The following NKAIN2 variants were observed in gnomAD, a reference collection of about 807,000 sequenced individuals.
The protein encoded by NKAIN2 is sodium/potassium transporting ATPase interacting 2, also known as sodium/potassium-transporting ATPase subunit beta-1-interacting protein 2.
A neutral mutation model predicts 32.6 loss-of-function variants in NKAIN2; 14 were observed. The ratio of observed to expected loss-of-function variants is 0.43; its 90% CI spans 0.28 to 0.67. NKAIN2 has a LOEUF of 0.67. Among genes scored for constraint, NKAIN2 ranks in the 30% least tolerant of loss-of-function variants. The probability of loss-of-function intolerance (pLI) is 0.17; values close to 1 mark genes in which losing one functional copy is unlikely to be tolerated. For synonymous variants in NKAIN2, 80 were observed against 87.2 expected, an observed-to-expected ratio of 0.92 and a Z score of 0.46; for missense variants, 198 against 258.3, an observed-to-expected ratio of 0.77 and a Z score of 1.60.
chr6:123,949,618 T>G (rs1201198242), intron 1 of NKAIN2, among the ~76,000 whole-genome samples: 1 of 152,042 alleles, frequency 6.6e-6, no homozygotes, highest in Non-Finnish European at 1.5e-5. Flanking sequence ...TATTGATGTA[T>G]AAAAATGCTA....
chr6:124,677,873 T>A (rs1249623379), intron 4 of NKAIN2, among the ~76,000 whole-genome samples: 3 of 152,128 alleles, frequency 2.0e-5, no homozygotes, highest in Non-Finnish European at 2.9e-5. Context: ...AAGGACTTCC[T>A]TTAACCTTTC....
At chr6:123,894,945 A>G (rs930499476) in intron 1 of NKAIN2, among the ~76,000 whole-genome samples, 5 of 152,122 alleles carry the variant, frequency 3.3e-5, no homozygotes, top group African/African-American at 1.2e-4. Context: ...CCTCGGGAAA[A>G]AGATGTATTT....
intron 1 of NKAIN2, among the ~76,000 whole-genome samples, chr6:124,018,316 G>C (rs1582937584): frequency 6.6e-6 from 1 of 152,218 alleles, no homozygotes; most frequent in East Asian, 1.9e-4. Context: ...GATAGGAGAG[G>C]CTGCCACAGA....
intron 1 of NKAIN2, among the ~76,000 whole-genome samples, chr6:124,092,192 T>G (rs73563117): frequency 0.017 from 2,655 of 152,180 alleles, 63 homozygotes; most frequent in African/African-American, 0.058. Flanking sequence ...TGTCAATCAA[T>G]GCCTGAGAAA....
chr6:124,416,535 A>G (rs1166861981), intron 3 of NKAIN2, among the ~76,000 whole-genome samples: 5 of 152,160 alleles, frequency 3.3e-5, no homozygotes, highest in Non-Finnish European at 1.5e-5. Context: ...GCTGCTTGGT[A>G]GGCTGTGGCC....
At chr6:124,531,013 A>G (rs1009438811) in intron 3 of NKAIN2, among the ~76,000 whole-genome samples, 4 of 152,194 alleles carry the variant, frequency 2.6e-5, no homozygotes, top group Admixed American at 2.6e-4. Flanking sequence ...AAATACCCCC[A>G]TAGACATATC....
At chr6:124,359,529 A>C (rs1316582787) in intron 3 of NKAIN2, among the ~76,000 whole-genome samples, 2 of 152,000 alleles carry the variant, frequency 1.3e-5, no homozygotes, top group Non-Finnish European at 2.9e-5. Context: ...ATTCTCTTTG[A>C]AGCAATTGTG....
intron 4 of NKAIN2, among the ~76,000 whole-genome samples, chr6:124,680,218 T>C (rs1773550524): frequency 6.6e-6 from 1 of 152,126 alleles, no homozygotes; most frequent in African/African-American, 2.4e-5. Flanking sequence ...TCAATAATAA[T>C]GTTTAAAATT....
intron 3 of NKAIN2, among the ~76,000 whole-genome samples, chr6:124,647,298 G>A (rs576616790): frequency 3.3e-5 from 5 of 151,862 alleles, no homozygotes; most frequent in African/African-American, 1.2e-4. Context: ...TGTAATCCTA[G>A]CACTTTGGAA....
At chr6:123,948,597 ATTTTTTTTTTTTTTTT>A (rs71021472) in intron 1 of NKAIN2, among the ~76,000 whole-genome samples, 26 of 49,318 alleles carry the variant, frequency 5.3e-4, no homozygotes, top group Admixed American at 1.2e-3. Flanking sequence ...CTTAAATGGG[ATTTTTTTTTTTTTTTT>A]TTTTTTTTTT....
rs115549431 is a variant in NKAIN2, at chr6:124,330,213, T to G, written c.193-25054T>G. On this transcript the variant is annotated intron_variant, in intron 2 of 6. Transcript: ENST00000368417. Reference sequence around the variant, plus strand: ...TCTATTTCAAGTGGTGAGGTCCTCATTGCCAGCTATCATGAAGTGATCTAG... The same window carrying G: ...TCTATTTCAAGTGGTGAGGTCCTCAGTGCCAGCTATCATGAAGTGATCTAG... Among the ~76,000 whole-genome samples the G allele has an allele frequency of 9.6e-3, 1,460 of 152,352 alleles. 29 individuals are homozygous for G. The highest frequency in any genetic ancestry group is 0.032 in the African/African-American group (1,341 of 41,582).
chr6:124,095,903 A>G (rs1386258507), intron 1 of NKAIN2, among the ~76,000 whole-genome samples: 2 of 152,150 alleles, frequency 1.3e-5, no homozygotes, highest in Non-Finnish European at 2.9e-5. Flanking sequence ...CTTTGTATCT[A>G]TGCATGCATG....
At chr6:124,331,376 A>AAAAC (rs1797650363) in intron 2 of NKAIN2, among the ~76,000 whole-genome samples, 1 of 147,046 alleles carries the variant, frequency 6.8e-6, no homozygotes, top group African/African-American at 2.5e-5. Context: ...AAAAAAAAAA[A>AAAAC]AAACTAGCTG....
chr6:124,757,484 G>A (rs1778020580), intron 4 of NKAIN2, among the ~76,000 whole-genome samples: 1 of 152,102 alleles, frequency 6.6e-6, no homozygotes, highest in Non-Finnish European at 1.5e-5. Context: ...AACTAAACAT[G>A]ATCAGATATC....
At chr6:124,229,246 C>T (rs1425046588) in intron 1 of NKAIN2, among the ~76,000 whole-genome samples, 2 of 152,068 alleles carry the variant, frequency 1.3e-5, no homozygotes, top group African/African-American at 4.8e-5. Flanking sequence ...AATAACTTCA[C>T]ATATAAAGAT....
At chr6:124,658,161 A>G in intron 3 of NKAIN2, 25 bp from the exon 4 acceptor site, 2 of 1,532,486 alleles carry the variant, frequency 1.3e-6, no homozygotes, top group Non-Finnish European at 1.8e-6. Context: ...AGTAATTCTC[A>G]TCCTTGTAAA....
At chr6:123,936,760 T>G (rs1275923257) in intron 1 of NKAIN2, among the ~76,000 whole-genome samples, 1 of 152,122 alleles carries the variant, frequency 6.6e-6, no homozygotes, top group African/African-American at 2.4e-5. Flanking sequence ...CTCCACAAAT[T>G]GCATGAGCAA....
chr6:124,723,890 G>A (rs1583725773), intron 4 of NKAIN2, among the ~76,000 whole-genome samples: 1 of 152,192 alleles, frequency 6.6e-6, no homozygotes, highest in East Asian at 1.9e-4. Flanking sequence ...TTTAGATTTT[G>A]TGTTTCTATA....
intron 3 of NKAIN2, among the ~76,000 whole-genome samples, chr6:124,357,990 T>C (rs1799070776): frequency 6.6e-6 from 1 of 152,192 alleles, no homozygotes; most frequent in Non-Finnish European, 1.5e-5. Flanking sequence ...GTGTTCTCAT[T>C]GTTCAATTCC....
Sources: allele counts gnomAD v4.1 joint callset (sites outside exome capture counted in the v4.1 genomes callset), GRCh38; gene constraint gnomAD v4.1.1; transcripts MANE v1.5; gene names NCBI Gene and HGNC (gene_info 2026-07-23, HGNC 2026-07-21).